The following NCKAP5 variants were observed in gnomAD, a reference collection of about 807,000 sequenced individuals.
NCKAP5 encodes the protein nck-associated protein 5.
A neutral mutation model predicts 167.0 loss-of-function variants in NCKAP5; 92 were observed. That is an observed-to-expected ratio of 0.55 (90% CI 0.47 to 0.66). NCKAP5 has a LOEUF of 0.66. Among genes scored for constraint, NCKAP5 ranks in the 30% least tolerant of loss-of-function variants. The pLI is 0.00. For synonymous variants in NCKAP5, 891 were observed against 877.4 expected (o/e 1.02, Z -0.27); for missense variants, 2,378 against 2,315.0 (o/e 1.03, Z -0.56).
At chr2:133,633,399 T>A in the NCKAP5 span, among the ~76,000 whole-genome samples, 1 of 152,222 alleles carries the variant, frequency 6.6e-6, no homozygotes, top group Non-Finnish European at 1.5e-5. Flanking sequence ...GAAAGTCTGC[T>A]ATTTCTAGCC....
intron 11 of NCKAP5, among the ~76,000 whole-genome samples, chr2:132,851,163 T>C (rs994291084): frequency 6.6e-6 from 1 of 152,220 alleles, no homozygotes; most frequent in Non-Finnish European, 1.5e-5. Context: ...GATGGTTTTA[T>C]GAACAGGAGA....
chr2:132,743,739 G>A (rs993968884), intron 16 of NCKAP5, among the ~76,000 whole-genome samples: 4 of 151,670 alleles, frequency 2.6e-5, no homozygotes, highest in Non-Finnish European at 5.9e-5. Flanking sequence ...GGCTGAGATT[G>A]TCAGATTGGA....
At chr2:132,889,489 T>C (rs1302717195) in intron 8 of NCKAP5, among the ~76,000 whole-genome samples, 21 of 151,942 alleles carry the variant, frequency 1.4e-4, no homozygotes, top group Non-Finnish European at 2.8e-4. Flanking sequence ...AATAGTCTAA[T>C]AGAAGAAACA....
At chr2:133,552,563 G>T (rs929548882) in intron 2 of NCKAP5, among the ~76,000 whole-genome samples, 16 of 137,792 alleles carry the variant, frequency 1.2e-4, no homozygotes, top group Non-Finnish European at 2.0e-4. Context: ...CATGGACACA[G>T]GAAGGGGAAT....
chr2:133,287,994 A>G (rs572270638), intron 4 of NCKAP5, among the ~76,000 whole-genome samples: 2 of 152,304 alleles, frequency 1.3e-5, no homozygotes, highest in Non-Finnish European at 2.9e-5. Context: ...TTTACAGAAA[A>G]AACTTCCAGG....
chr2:133,201,071 T>C (rs957815406), intron 5 of NCKAP5, among the ~76,000 whole-genome samples: 2 of 152,098 alleles, frequency 1.3e-5, no homozygotes, highest in African/African-American at 4.8e-5. Flanking sequence ...TACAACAATA[T>C]CCTAGAGTAA....
At chr2:132,926,639 A>T (rs144934306) in intron 8 of NCKAP5, among the ~76,000 whole-genome samples, 2 of 152,052 alleles carry the variant, frequency 1.3e-5, no homozygotes, top group Admixed American at 1.3e-4. Flanking sequence ...AATGTTTAGC[A>T]TTTTTTTCAT....
chr2:133,342,844 A>T (rs530199550), intron 3 of NCKAP5, among the ~76,000 whole-genome samples: 1 of 152,348 alleles, frequency 6.6e-6, no homozygotes, highest in African/African-American at 2.4e-5. Context: ...GTGATTAATT[A>T]GTGCCCACAC....
chr2:133,353,201 A>G (rs1398608991), intron 3 of NCKAP5, among the ~76,000 whole-genome samples: 1 of 152,244 alleles, frequency 6.6e-6, no homozygotes, highest in African/African-American at 2.4e-5. Flanking sequence ...TCAGCCTGCA[A>G]ATCTGAGGAA....
At chr2:133,308,740 C>T (rs1431366527) in intron 3 of NCKAP5, among the ~76,000 whole-genome samples, 3 of 102,576 alleles carry the variant, frequency 2.9e-5, no homozygotes, top group East Asian at 3.2e-4. Context: ...CTTGCTCTGT[C>T]GCCCAGGCCG....
At chr2:133,279,442 A>C (rs1223562582) in intron 4 of NCKAP5, among the ~76,000 whole-genome samples, 1 of 152,228 alleles carries the variant, frequency 6.6e-6, no homozygotes, top group African/African-American at 2.4e-5. Flanking sequence ...TTTTGTTTTC[A>C]AAAATTTTAT....
chr2:132,986,622 C>T (rs2077296519), intron 7 of NCKAP5, among the ~76,000 whole-genome samples: 1 of 152,066 alleles, frequency 6.6e-6, no homozygotes, highest in Non-Finnish European at 1.5e-5. Context: ...AGAAATTTGG[C>T]AAATATACAT....
chr2:133,284,919 T>C (rs1197290318), intron 4 of NCKAP5, among the ~76,000 whole-genome samples: 1 of 152,212 alleles, frequency 6.6e-6, no homozygotes, highest in Admixed American at 6.5e-5. Context: ...CTCACTGCAT[T>C]ATAAGCATGT....
chr2:133,226,082 C>T (rs948986218), intron 4 of NCKAP5, among the ~76,000 whole-genome samples: 15 of 149,100 alleles, frequency 1.0e-4, no homozygotes, highest in African/African-American at 2.7e-4. Flanking sequence ...CCGTGAGCCA[C>T]GGTGCCTGGC....
At chr2:132,704,013 C>A (rs1482260780) in intron 19 of NCKAP5, among the ~76,000 whole-genome samples, 8 of 152,040 alleles carry the variant, frequency 5.3e-5, no homozygotes, top group Non-Finnish European at 1.2e-4. Flanking sequence ...CTGTTGAAGC[C>A]ATCTCTTACC....
chr2:133,217,642 C>T (rs2086488933), intron 4 of NCKAP5, among the ~76,000 whole-genome samples: 1 of 151,888 alleles, frequency 6.6e-6, no homozygotes, highest in African/African-American at 2.4e-5. Flanking sequence ...CAGCCGGTTG[C>T]CTGAGTGGAG....
intron 3 of NCKAP5, among the ~76,000 whole-genome samples, chr2:133,386,800 A>C (rs559644004): frequency 2.4e-4 from 37 of 152,314 alleles, no homozygotes; most frequent in East Asian, 7.7e-4. Flanking sequence ...ACCATTATGT[A>C]ATGGCCTTGT....
At chr2:132,951,035 G>A (rs1355893906) in intron 8 of NCKAP5, among the ~76,000 whole-genome samples, 3 of 152,214 alleles carry the variant, frequency 2.0e-5, no homozygotes, top group Non-Finnish European at 4.4e-5. Flanking sequence ...GAAAAATGAT[G>A]CAAAATTTCC....
intron 2 of NCKAP5, among the ~76,000 whole-genome samples, chr2:133,550,460 T>C (rs1270947921): frequency 6.6e-6 from 1 of 151,626 alleles, no homozygotes; most frequent in Non-Finnish European, 1.5e-5. Context: ...AATCAATAAA[T>C]GTAATCCAGC....
Sources: gnomAD v4.1 joint callset for allele counts (sites outside exome capture counted in the v4.1 genomes callset) on GRCh38, gnomAD v4.1.1 for gene constraint, MANE v1.5 for transcripts, NCBI Gene and HGNC (gene_info 2026-07-23, HGNC 2026-07-21) for gene names.